HSD17B11: variants seen among roughly 807,000 people sequenced by gnomAD.
HSD17B11 encodes hydroxysteroid 17-beta dehydrogenase 11, also known as estradiol 17-beta-dehydrogenase 11.
HSD17B11 carries 22 observed loss-of-function variants against 27.8 expected under a neutral mutation model. The ratio of observed to expected loss-of-function variants is 0.79; its 90% CI spans 0.56 to 1.13. The LOEUF is 1.13. Among genes scored for constraint, HSD17B11 ranks in the 50% most tolerant of loss-of-function variants. HSD17B11 has a pLI of 0.00. For synonymous variants in HSD17B11, 117 were observed against 132.8 expected, an observed-to-expected ratio of 0.88 and a Z score of 0.82; for missense variants, 314 against 351.1, an observed-to-expected ratio of 0.89 and a Z score of 0.84.
At chr4:87,358,074 GC>G (rs202172072) in intron 4 of HSD17B11, among the ~76,000 whole-genome samples, 7,761 of 145,658 alleles carry the variant, frequency 0.053, 683 homozygotes, top group African/African-American at 0.19. Context: ...CCATTCTCCT[GC>G]CTCAGCCTCC....
intron 4 of HSD17B11, among the ~76,000 whole-genome samples, chr4:87,363,587 G>T (rs1048827454): frequency 6.6e-6 from 1 of 152,140 alleles, no homozygotes; most frequent in Non-Finnish European, 1.5e-5. Flanking sequence ...CCTTTTAACC[G>T]CATGGCAGTA....
intron 1 of HSD17B11, 119 bp from the exon 2 acceptor site, chr4:87,382,481 C>T (rs1182487978): frequency 1.1e-5 from 7 of 631,070 alleles, no homozygotes; most frequent in African/African-American, 1.8e-5. Flanking sequence ...TTGAATTGGG[C>T]AAGATTGTTA....
chr4:87,361,350 C>A (rs1735509034), intron 4 of HSD17B11, among the ~76,000 whole-genome samples: 1 of 152,168 alleles, frequency 6.6e-6, no homozygotes, highest in Non-Finnish European at 1.5e-5. Flanking sequence ...AAAGAGGAAG[C>A]ATGAATAATC....
rs1560769685 is a variant in HSD17B11 at position 87,378,949 on chromosome 4, TATATATATA to T, written c.318+3297_318+3305del. Among the ~76,000 whole-genome samples, 47 of 25,172 alleles carry T rather than the reference TATATATATA, an allele frequency of 1.9e-3. 2 individuals are homozygous for T. The highest frequency in any genetic ancestry group is 7.2e-3 in the African/African-American group (31 of 4,282). 16.5% of individuals were successfully genotyped at this position (25,172 alleles called of 152,430 possible). A position where few individuals can be genotyped will look rare whatever the true frequency, so the allele number is the denominator to read the frequency against. On this transcript the variant is annotated intron_variant, in intron 2 of 6. Coordinates refer to ENST00000358290, the MANE Select transcript of HSD17B11 (RefSeq NM_016245.5). Reference sequence around the variant, plus strand: ...ATATAAATATATATATATATATATTTATATATATATATTTTTTTTTTTTTTTGAGATGGT... The same window carrying T: ...ATATAAATATATATATATATATATTTTATTTTTTTTTTTTTTTGAGATGGT...
At chr4:87,362,117 TAG>T (rs1199715545) in intron 4 of HSD17B11, among the ~76,000 whole-genome samples, 1 of 152,164 alleles carries the variant, frequency 6.6e-6, no homozygotes, top group African/African-American at 2.4e-5. Context: ...TTAGGGGAGT[TAG>T]AGTCTCTCCT....
At chr4:87,371,169 CATT>C (rs1242211962) in intron 4 of HSD17B11, among the ~76,000 whole-genome samples, 2 of 152,110 alleles carry the variant, frequency 1.3e-5, no homozygotes, top group Non-Finnish European at 1.5e-5. Context: ...TTATAAATGA[CATT>C]ATGTCATTCG....
chr4:87,364,212 T>G (rs947683766), intron 4 of HSD17B11, among the ~76,000 whole-genome samples: 2 of 151,120 alleles, frequency 1.3e-5, no homozygotes, highest in Non-Finnish European at 2.9e-5. Flanking sequence ...GTAGATAACT[T>G]CTGGTAGCTT....
intron 3 of HSD17B11, 45 bp downstream of exon 3, chr4:87,374,654 T>C (rs370288278): frequency 1.9e-6 from 3 of 1,565,478 alleles, no homozygotes; most frequent in Non-Finnish European, 2.6e-6. Context: ...CTTTAATCTT[T>C]GGGATTTTCA....
intron 1 of HSD17B11, among the ~76,000 whole-genome samples, chr4:87,388,416 T>C (rs1335964179): frequency 1.3e-5 from 2 of 152,100 alleles, no homozygotes; most frequent in African/African-American, 4.8e-5. Context: ...TTGCACAGAG[T>C]AGATCTAGAC....
intron 5 of HSD17B11, among the ~76,000 whole-genome samples, chr4:87,342,381 C>CAAA (rs543558458): frequency 1.2e-4 from 9 of 74,328 alleles, no homozygotes; most frequent in Admixed American, 5.0e-4. Context: ...AACTTCGCTG[C>CAAA]AAAAAAAAAA....
chr4:87,359,074 G>A (rs1417087600), intron 4 of HSD17B11, among the ~76,000 whole-genome samples: 2 of 152,086 alleles, frequency 1.3e-5, no homozygotes, highest in African/African-American at 4.8e-5. Flanking sequence ...CTCTCCTGCT[G>A]CCATTTAAGA....
intron 2 of HSD17B11, among the ~76,000 whole-genome samples, chr4:87,378,361 C>G (rs1369286323): frequency 6.6e-6 from 1 of 151,902 alleles, no homozygotes; most frequent in Non-Finnish European, 1.5e-5. Flanking sequence ...TTTGTGGGTA[C>G]ATAGTAGTGT....
chr4:87,339,951 G>A (rs1735134067), intron 6 of HSD17B11, among the ~76,000 whole-genome samples: 1 of 152,114 alleles, frequency 6.6e-6, no homozygotes, highest in African/African-American at 2.4e-5. Flanking sequence ...TGCAAATTCT[G>A]ACTCAAGAGA....
At chr4:87,370,537 T>C (rs575658524) in intron 4 of HSD17B11, among the ~76,000 whole-genome samples, 3 of 151,742 alleles carry the variant, frequency 2.0e-5, no homozygotes, top group Admixed American at 1.3e-4. Context: ...TGCCTCAGCC[T>C]CCCGACTAGC....
chr4:87,342,277 G>A (rs1560757727), intron 5 of HSD17B11, among the ~76,000 whole-genome samples: 1 of 151,686 alleles, frequency 6.6e-6, no homozygotes. Context: ...AGCTACTCGA[G>A]AGGCTGAGGC....
At chr4:87,366,175 A>G (rs1241877943) in intron 4 of HSD17B11, 1 of 152,144 alleles carries the variant, frequency 6.6e-6, no homozygotes, top group African/African-American at 2.4e-5. Context: ...AGGTTTATAA[A>G]AATTAATTGT....
At chr4:87,381,264 C>G (rs1024604378) in intron 2 of HSD17B11, among the ~76,000 whole-genome samples, 1 of 150,754 alleles carries the variant, frequency 6.6e-6, no homozygotes, top group Admixed American at 6.6e-5. Flanking sequence ...CTGAATCACA[C>G]TTTTTATACT....
At chr4:87,357,984 CAG>C (rs1735422328) in intron 4 of HSD17B11, among the ~76,000 whole-genome samples, 2 of 43,736 alleles carry the variant, frequency 4.6e-5, no homozygotes, top group Non-Finnish European at 8.5e-5. Flanking sequence ...TTTTTTGAGA[CAG>C]AGTCTTGCTC....
chr4:87,358,303 A>G (rs1735431790), intron 4 of HSD17B11, among the ~76,000 whole-genome samples: 1 of 152,028 alleles, frequency 6.6e-6, no homozygotes, highest in Non-Finnish European at 1.5e-5. Context: ...CACCTTTCCT[A>G]TAAGCTCCAT....
Sources: gnomAD v4.1 joint callset for allele counts (sites outside exome capture counted in the v4.1 genomes callset) on GRCh38, gnomAD v4.1.1 for gene constraint, MANE v1.5 for transcripts, NCBI Gene and HGNC (gene_info 2026-07-23, HGNC 2026-07-21) for gene names.